The following SNX1 variants were observed in gnomAD, a reference collection of about 807,000 sequenced individuals.
SNX1 encodes sorting nexin 1.
In SNX1, 36 loss-of-function variants were observed where a neutral mutation model predicts 71.8. That is an observed-to-expected ratio of 0.50 (90% confidence interval 0.38 to 0.66). The LOEUF (loss-of-function observed/expected upper bound fraction) is 0.66. Among genes scored for constraint, SNX1 ranks in the 30% least tolerant of loss-of-function variants. The pLI is 0.00. For missense variants in SNX1, 612 were observed against 646.7 expected (o/e 0.95, Z 0.58); for synonymous variants, 254 against 240.7 (o/e 1.06, Z -0.51).
intron 10 of SNX1, 88 bp from the exon 11 acceptor site, chr15:64,131,598 AT>A: frequency 7.8e-7 from 1 of 1,285,640 alleles, no homozygotes; most frequent in Non-Finnish European, 1.1e-6. Flanking sequence ...AGTGGGCGGC[AT>A]TGCTAAGACA....
rs2081340391 is a variant in SNX1, at chr15:64,134,771, T to C, written c.1329T>C (p.Pro443=). The C allele has an allele frequency of 6.2e-7, 1 of 1,613,972 alleles. No individual in the cohort carries two copies. Among genetic ancestry groups the C allele is most frequent in the South Asian group, 1.1e-5 (1 of 91,080 alleles). Residue 443 remains proline (P), a synonymous_variant, in exon 12 of 15, where the codon CCT becomes CCC. Coordinates refer to ENST00000559844, the MANE Select transcript of SNX1 (RefSeq NM_003099.5). This position sits in a 1 kb window ranked among gnomAD's most constrained non-coding sequence, Gnocchi z 4.1. ...AEARLLWANK[P]DKLQQAKDEI... ...CTCGGCTGCTGTGGGCCAACAAGCCTGATAAGCTGCAGCAGGCCAAGGACG... is the reference window on the plus strand; with the variant it reads ...CTCGGCTGCTGTGGGCCAACAAGCCCGATAAGCTGCAGCAGGCCAAGGACG...
rs556134495 is a variant in SNX1, at chr15:64,138,183, A to G, written c.*565A>G. The G allele has an allele frequency of 2.0e-6, 3 of 1,535,186 alleles. No individual in the cohort carries two copies. Among genetic ancestry groups the G allele is most frequent in the Non-Finnish European group, 2.6e-6 (3 of 1,146,786 alleles). On this transcript the variant is annotated 3_prime_UTR_variant, in exon 15 of 15. Transcript: ENST00000559844. The stretch of plus-strand genomic sequence containing the variant: ...GGGTTTCTTTCTCTCCGCCTACCTC[A>G]GCTACCTGTTCTGAGGGTCTCAATC...
chr15:64,133,455 C>G (rs145169214), intron 11 of SNX1, among the ~76,000 whole-genome samples: 8 of 152,182 alleles, frequency 5.3e-5, no homozygotes, highest in African/African-American at 1.4e-4. Flanking sequence ...AAGGTTGGGG[C>G]GTGGTGGCTC....
rs1305760203 is a variant in SNX1, at chr15:64,129,788, G to A, written c.808-128G>A. 1.6e-5 allele frequency: 11 copies of A among 681,962 alleles called. No individual in the cohort carries two copies. Among genetic ancestry groups the A allele is most frequent in the Non-Finnish European group, 2.9e-5 (11 of 377,960 alleles). 42.2% of individuals were successfully genotyped at this position (681,962 alleles called of 1,614,324 possible). The stretch of plus-strand genomic sequence containing the variant: ...GTTGTGGATTCCTCAGACTGCCTTT[G>A]AAAACAATTTACAGTTCAAATAATT... On this transcript the variant is annotated intron_variant, in intron 8 of 14. Transcript: ENST00000559844. This position sits in a 1 kb window ranked among gnomAD's most constrained non-coding sequence, Gnocchi z 4.4.
intron 1 of SNX1, among the ~76,000 whole-genome samples, chr15:64,106,272 C>A (rs995870039): frequency 2.0e-5 from 3 of 152,062 alleles, no homozygotes; most frequent in Non-Finnish European, 4.4e-5. Context: ...ATAGATTACC[C>A]CCTGAAGTAT....
intron 1 of SNX1, chr15:64,111,382 A>G (rs1026075457): frequency 1.3e-5 from 2 of 152,258 alleles, no homozygotes; most frequent in African/African-American, 4.8e-5. Flanking sequence ...TAGTTCCAGT[A>G]GAAGGATTGT....
At position 64,138,252 on chromosome 15, in the gene SNX1, T is replaced by C; in HGVS notation, c.*634T>C. 6.9e-7 allele frequency: 1 copy of C among 1,444,678 alleles called. No individual in the cohort carries two copies. The highest frequency in any genetic ancestry group is 2.6e-5 in the East Asian group (1 of 39,204). 89.5% of individuals were successfully genotyped at this position (1,444,678 alleles called of 1,614,324 possible). A position where few individuals can be genotyped will look rare whatever the true frequency, so the allele number is the denominator to read the frequency against. ...CTTTAGGGAAGGAGTTTTAAAAACA[T>C]CTCTTAAAATAAGAGGAGCAAAATC... is the stretch of plus-strand genomic sequence containing the variant. On this transcript the variant is annotated 3_prime_UTR_variant, in exon 15 of 15. Coordinates refer to ENST00000559844, the MANE Select transcript of SNX1 (RefSeq NM_003099.5).
intron 5 of SNX1, among the ~76,000 whole-genome samples, chr15:64,125,795 A>G (rs1234229958): frequency 6.6e-6 from 1 of 152,238 alleles, no homozygotes; most frequent in African/African-American, 2.4e-5. Context: ...AAGGGTCACC[A>G]TGGCTTCAGA....
intron 1 of SNX1, among the ~76,000 whole-genome samples, chr15:64,108,554 A>G (rs929618087): frequency 1.3e-5 from 2 of 152,202 alleles, no homozygotes; most frequent in African/African-American, 4.8e-5. Context: ...GGTTCTGCTC[A>G]GTTTTTTTAA....
chr15:64,098,825 G>A (rs942997657), intron 1 of SNX1, among the ~76,000 whole-genome samples: 1 of 152,026 alleles, frequency 6.6e-6, no homozygotes, highest in Non-Finnish European at 1.5e-5. Flanking sequence ...CTAATTTCCA[G>A]CTAAAAGAGA....
intron 2 of SNX1, among the ~76,000 whole-genome samples, chr15:64,116,096 A>G (rs1344996987): frequency 6.6e-6 from 1 of 152,226 alleles, no homozygotes; most frequent in Non-Finnish European, 1.5e-5. Context: ...TACCAATAAG[A>G]TAATCAATTA....
In SNX1 at chr15:64,127,050, T is replaced by C. The variant is rs887632071; in HGVS notation, c.653-124T>C. Reference sequence around the variant, plus strand: ...CTTTTGTTCATCCCTGCATATAACATAGAAGTGGCCTTAGGCTGTGTGCTA... The same window carrying C: ...CTTTTGTTCATCCCTGCATATAACACAGAAGTGGCCTTAGGCTGTGTGCTA... On this transcript the variant is annotated intron_variant, in intron 6 of 14. Transcript: ENST00000559844. 1.0e-4 allele frequency: 73 copies of C among 704,042 alleles called. 1 individual carries two copies. The highest frequency in any genetic ancestry group is 2.3e-4 in the Admixed American group (8 of 35,386). The allele number at this position is 704,042 out of a possible 1,614,324, so 43.6% of individuals were successfully genotyped here.
intron 5 of SNX1, among the ~76,000 whole-genome samples, chr15:64,124,264 T>C (rs1208970340): frequency 6.7e-6 from 1 of 150,320 alleles, no homozygotes; most frequent in Non-Finnish European, 1.5e-5. Context: ...TCCAGCACTT[T>C]GGGAGGCTGA....
rs559777316 is a variant in SNX1, at chr15:64,105,304, T to C, written c.160-7269T>C. Among the ~76,000 whole-genome samples, 8 of 152,172 alleles carry C rather than the reference T, an allele frequency of 5.3e-5. No individual in the cohort carries two copies. The South Asian group carries it at 1.7e-3, about 32-fold the overall frequency. On this transcript the variant is annotated intron_variant, in intron 1 of 14. Transcript: ENST00000559844. ...GGTTTCTGTAAGGGTTGCCAACCCA[T>C]TGTTTACTTAGGTGGTAAGGCCACT...
rs1428511888 is a variant in SNX1 at position 64,131,842 on chromosome 15, C to T, written c.1171C>T (p.Leu391Phe). 1 of 1,614,226 alleles carries T rather than the reference C, an allele frequency of 6.2e-7. No individual in the cohort carries two copies. ...HQEQANNDFF[L>F]LAELLSDYIR... is the part of the protein sequence containing the mutation. ...GGAACAGGCCAACAATGACTTCTTC[C>T]TCCTTGCTGAGCTCCTGAGTGACTA... Residue 391 changes from leucine to phenylalanine, a missense_variant, in exon 11 of 15, where the codon CTC (leucine) becomes TTC (phenylalanine). Leu to Phe is a conservative substitution (Grantham distance 22). Transcript: ENST00000559844.
chr15:64,142,520 CT>C lies in SNX1; in HGVS notation c.*4903del. 1 of 405,088 alleles carries C rather than the reference CT, an allele frequency of 2.5e-6. No individual in the cohort carries two copies. Among genetic ancestry groups the C allele is most frequent in the Non-Finnish European group, 5.0e-6 (1 of 201,390 alleles). 25.1% of individuals were successfully genotyped at this position (405,088 alleles called of 1,614,324 possible). A position where few individuals can be genotyped will look rare whatever the true frequency, so the allele number is the denominator to read the frequency against. On this transcript the variant is annotated 3_prime_UTR_variant, in exon 15 of 15. Coordinates refer to ENST00000559844, the MANE Select transcript of SNX1 (RefSeq NM_003099.5). ...GGGGTCCAGAGCACAGGAAGGGGAC[CT>C]GTGTTCAGAGGGTGCCTCACTGCTG...
chr15:64,136,428 A>C lies in SNX1; in HGVS notation c.1446+18A>C. 6.3e-7 allele frequency: 1 copy of C among 1,598,864 alleles called. No homozygotes were observed. On this transcript the variant is annotated intron_variant, in intron 13 of 14. Coordinates refer to ENST00000559844, the MANE Select transcript of SNX1 (RefSeq NM_003099.5). ...GGTTTGAGGTGAGATAGAAAATCCT[A>C]CTTCTCACTTAGCATGCAGTGCTTG...
chr15:64,138,319 C>A lies in SNX1; in HGVS notation c.*701C>A. 4 of 799,758 alleles carry A rather than the reference C, an allele frequency of 5.0e-6. No individual in the cohort carries two copies. Among genetic ancestry groups the A allele is most frequent in the African/African-American group, 2.2e-5 (1 of 45,500 alleles). The allele number at this position is 799,758 out of a possible 1,614,324, so 49.5% of individuals were successfully genotyped here. ...CCTGCAAAGGAGGCAGAGACTTTCT[C>A]TCTCTCTTTTTTTTTTTTTTTTGGT... On this transcript the variant is annotated 3_prime_UTR_variant, in exon 15 of 15. Coordinates refer to ENST00000559844, the MANE Select transcript of SNX1 (RefSeq NM_003099.5).
At chr15:64,131,608 CAT>C in intron 10 of SNX1, 77 bp from the exon 11 acceptor site, 2 of 1,391,798 alleles carry the variant, frequency 1.4e-6, no homozygotes, top group African/African-American at 1.4e-5. Flanking sequence ...ATTGCTAAGA[CAT>C]GCCATGCAGT....
Sources: allele counts gnomAD v4.1 joint callset (sites outside exome capture counted in the v4.1 genomes callset), GRCh38; gene constraint gnomAD v4.1.1; non-coding constraint Gnocchi (gnomAD v3.1); transcripts MANE v1.5; gene names NCBI Gene and HGNC (gene_info 2026-07-23, HGNC 2026-07-21).